Variants in ZFPM2 observed in about 807,000 individuals in gnomAD.
ZFPM2 encodes zinc finger protein ZFPM2.
A neutral mutation model predicts 98.6 loss-of-function variants in ZFPM2; 20 were observed. The observed-to-expected ratio is 0.20, with a 90% CI of 0.14 to 0.29. The LOEUF (loss-of-function observed/expected upper bound fraction) is 0.29. ZFPM2 is among the 10% of genes least tolerant of loss of function. ZFPM2 has a pLI of 1.00. For missense variants in ZFPM2, 1,310 were observed against 1,388.6 expected (o/e 0.94, Z 0.90); for synonymous variants, 518 against 502.7 (o/e 1.03, Z -0.41).
chr8:105,557,238 A>G (rs1184488116), intron 3 of ZFPM2, among the ~76,000 whole-genome samples: 4 of 152,006 alleles, frequency 2.6e-5, no homozygotes, highest in African/African-American at 7.3e-5. Context: ...ATTTATCATG[A>G]TATACTCTTT....
intron 4 of ZFPM2, among the ~76,000 whole-genome samples, chr8:105,591,260 G>GCAA (rs910350069): frequency 6.7e-6 from 1 of 148,968 alleles, no homozygotes; most frequent in Non-Finnish European, 1.5e-5. Context: ...AAAAAAAAAA[G>GCAA]CAACAACAAC....
intron 3 of ZFPM2, 135 bp downstream of exon 3, chr8:105,444,516 T>A (rs1048170695): frequency 2.0e-6 from 1 of 493,810 alleles, no homozygotes; most frequent in African/African-American, 2.0e-5. Context: ...TAAATAAAGA[T>A]TATTATTTTA....
At position 105,646,051 on chromosome 8, in the gene ZFPM2, GAA is replaced by G. The variant is rs33913136; in HGVS notation, c.532+11710_532+11711del. Among the ~76,000 whole-genome samples the G allele has an allele frequency of 7.1e-3, 948 of 133,120 alleles. 10 individuals carry two copies. The highest frequency in any genetic ancestry group is 0.023 in the African/African-American group (814 of 35,988). 87.3% of individuals were successfully genotyped at this position (133,120 alleles called of 152,430 possible). On this transcript the variant is annotated intron_variant, in intron 5 of 7. Transcript: ENST00000407775. ...TGGCAACAGAGTGAGACTCCATCTG[GAA>G]AAAAAAAAAAAAAAAGAAAGAAAGG...
rs546562274 is a variant in ZFPM2 at position 105,556,235 on chromosome 8, C to T, written c.302-5128C>T. Reference sequence around the variant, plus strand: ...ATGCTGATAAGAAGGGTGAATCCAACAGCCAATGGAAAAGAAAATTAGTCA... The same window carrying T: ...ATGCTGATAAGAAGGGTGAATCCAATAGCCAATGGAAAAGAAAATTAGTCA... On this transcript the variant is annotated intron_variant, in intron 3 of 7. Coordinates refer to ENST00000407775, the MANE Select transcript of ZFPM2 (RefSeq NM_012082.4). Among the ~76,000 whole-genome samples the T allele has an allele frequency of 4.9e-4, 74 of 152,110 alleles. 1 individual carries two copies. Among genetic ancestry groups the T allele is most frequent in the Admixed American group, 4.8e-3 (73 of 15,268 alleles).
intron 7 of ZFPM2, 98 bp downstream of exon 7, chr8:105,799,046 T>A: frequency 9.0e-7 from 1 of 1,109,950 alleles, no homozygotes; most frequent in Non-Finnish European, 1.3e-6. Context: ...TGTCTATCTG[T>A]AGCTATCTAT....
chr8:105,480,966 G>A (rs1442882103), intron 3 of ZFPM2, among the ~76,000 whole-genome samples: 1 of 151,992 alleles, frequency 6.6e-6, no homozygotes, highest in Non-Finnish European at 1.5e-5. Flanking sequence ...TAGCCAAGAT[G>A]GTCTCGAACT....
chr8:105,572,100 C>T (rs149453947), intron 4 of ZFPM2, among the ~76,000 whole-genome samples: 2,251 of 135,310 alleles, frequency 0.017, 24 homozygotes, highest in East Asian at 0.067. Flanking sequence ...TGCAATGGTG[C>T]GATCTCATCT....
At chr8:105,501,485 C>T (rs1411394777) in intron 3 of ZFPM2, among the ~76,000 whole-genome samples, 1 of 148,468 alleles carries the variant, frequency 6.7e-6, no homozygotes, top group Non-Finnish European at 1.5e-5. Context: ...GCGCCCAGCT[C>T]AATTTACTTT....
chr8:105,438,890 A>G (rs144264493), intron 2 of ZFPM2, among the ~76,000 whole-genome samples: 9 of 152,198 alleles, frequency 5.9e-5, no homozygotes, highest in African/African-American at 1.9e-4. Context: ...CTGAATTTCT[A>G]TACTTTATGT....
At chr8:105,559,027 T>C (rs764582138) in intron 3 of ZFPM2, among the ~76,000 whole-genome samples, 4 of 152,132 alleles carry the variant, frequency 2.6e-5, no homozygotes, top group Admixed American at 2.6e-4. Flanking sequence ...ATGCATATAT[T>C]GAGTCGTGTT....
chr8:105,347,010 G>A (rs1812550689), intron 1 of ZFPM2, among the ~76,000 whole-genome samples: 1 of 152,132 alleles, frequency 6.6e-6, no homozygotes, highest in African/African-American at 2.4e-5. Context: ...TGAAGTGTCA[G>A]GAGAACAGCA....
At chr8:105,487,761 C>T (rs1344265300) in intron 3 of ZFPM2, among the ~76,000 whole-genome samples, 1 of 152,132 alleles carries the variant, frequency 6.6e-6, no homozygotes, top group Non-Finnish European at 1.5e-5. Context: ...TTACCATCAT[C>T]ATCATCGTCA....
rs1269518751 is a variant in ZFPM2, at chr8:105,357,412, T to G, written c.40+38431T>G. Among the ~76,000 whole-genome samples, 5 of 152,282 alleles carry G rather than the reference T, an allele frequency of 3.3e-5. No individual in the cohort carries two copies. In the East Asian group the frequency reaches 9.7e-4, roughly 29 times the overall value. ...AGGACACACATGTACACACAAAGAG[T>G]TCTTATGCCTTTTTGCTTTTATGTA... On this transcript the variant is annotated intron_variant, in intron 1 of 7. Transcript: ENST00000407775.
chr8:105,662,060 G>A (rs754773824), intron 5 of ZFPM2, among the ~76,000 whole-genome samples: 10 of 152,070 alleles, frequency 6.6e-5, no homozygotes, highest in Admixed American at 3.9e-4. Flanking sequence ...GCGATAAGGC[G>A]AATCCAGCAC....
chr8:105,634,148 T>C lies in ZFPM2; in HGVS notation c.421-98T>C, dbSNP rs560309769. 98 of 880,434 alleles carry C rather than the reference T, an allele frequency of 1.1e-4. 1 individual carries two copies. The African/African-American group carries it at 1.4e-3, about 13-fold the overall frequency. 54.5% of individuals were successfully genotyped at this position (880,434 alleles called of 1,614,324 possible). On this transcript the variant is annotated intron_variant, in intron 4 of 7. Transcript: ENST00000407775. ...GGACTTGGATTATGGTTTGGGAGATTTAGTTGTTTGTAAAAATAAAATGAT... is the reference window on the plus strand; with the variant it reads ...GGACTTGGATTATGGTTTGGGAGATCTAGTTGTTTGTAAAAATAAAATGAT...
chr8:105,594,049 G>A (rs1305362755), intron 4 of ZFPM2, among the ~76,000 whole-genome samples: 3 of 152,024 alleles, frequency 2.0e-5, no homozygotes, highest in Admixed American at 6.6e-5. Flanking sequence ...ATTCTCCAGG[G>A]GTTCCAGGGT....
intron 6 of ZFPM2, among the ~76,000 whole-genome samples, chr8:105,794,039 G>A (rs757736140): frequency 1.6e-4 from 25 of 151,952 alleles, no homozygotes; most frequent in African/African-American, 3.9e-4. Flanking sequence ...CCTGTAGCTC[G>A]TAGTTTGATT....
chr8:105,512,417 T>C (rs544456308), intron 3 of ZFPM2, among the ~76,000 whole-genome samples: 1 of 152,324 alleles, frequency 6.6e-6, no homozygotes, highest in South Asian at 2.1e-4. Flanking sequence ...CTGTATTCTT[T>C]TGTAAAACGT....
At chr8:105,641,772 T>C (rs1045893542) in intron 5 of ZFPM2, among the ~76,000 whole-genome samples, 1 of 152,168 alleles carries the variant, frequency 6.6e-6, no homozygotes, top group Non-Finnish European at 1.5e-5. Context: ...TTTGTTTTTA[T>C]ATCAGCATCA....
Sources: gnomAD v4.1 joint callset for allele counts (sites outside exome capture counted in the v4.1 genomes callset) on GRCh38, gnomAD v4.1.1 for gene constraint, MANE v1.5 for transcripts, NCBI Gene and HGNC (gene_info 2026-07-23, HGNC 2026-07-21) for gene names.